DAB1: variants seen among roughly 807,000 people sequenced by gnomAD.
DAB1 encodes the protein DAB adaptor protein 1, also known as disabled homolog 1.
A neutral mutation model predicts 64.6 loss-of-function variants in DAB1; 15 were observed. The ratio of observed to expected loss-of-function variants is 0.23; its 90% CI spans 0.16 to 0.36. DAB1 has a LOEUF of 0.36. Ranked by LOEUF, DAB1 falls within the 10% of genes least tolerant of loss-of-function variation. The probability of loss-of-function intolerance (pLI) is 1.00; values close to 1 mark genes in which losing one functional copy is unlikely to be tolerated. For synonymous variants in DAB1, 235 were observed against 251.9 expected (o/e 0.93, Z 0.64); for missense variants, 596 against 706.7 (o/e 0.84, Z 1.78).
chr1:57,032,886 G>T (rs574639009), intron 9 of DAB1, among the ~76,000 whole-genome samples: 1 of 152,112 alleles, frequency 6.6e-6, no homozygotes, highest in East Asian at 1.9e-4. Flanking sequence ...TAGCAACCTC[G>T]CCTGTTTTTT....
chr1:57,568,447 G>C (rs948150458), intron 7 of DAB1, among the ~76,000 whole-genome samples: 3 of 152,184 alleles, frequency 2.0e-5, no homozygotes, highest in African/African-American at 7.2e-5. Flanking sequence ...AAACTAAAGA[G>C]CTTCTGCATA....
intron 5 of DAB1, among the ~76,000 whole-genome samples, chr1:57,934,739 T>C (rs753821614): frequency 2.0e-5 from 3 of 152,218 alleles, no homozygotes; most frequent in Non-Finnish European, 4.4e-5. Flanking sequence ...TCTGAGGCCA[T>C]GCCACGGTAC....
intron 5 of DAB1, among the ~76,000 whole-genome samples, chr1:57,959,519 A>AAC (rs1482017704): frequency 6.6e-6 from 1 of 152,226 alleles, no homozygotes; most frequent in Non-Finnish European, 1.5e-5. Flanking sequence ...TATAGATGAG[A>AAC]ACATTGAGGC....
At chr1:57,370,812 T>G (rs1170493425) in intron 1 of DAB1, among the ~76,000 whole-genome samples, 1 of 152,208 alleles carries the variant, frequency 6.6e-6, no homozygotes, top group East Asian at 1.9e-4. Context: ...GTAAATATTT[T>G]TTATGGTCGT....
intron 4 of DAB1, among the ~76,000 whole-genome samples, chr1:58,234,812 C>T (rs994752421): frequency 5.3e-5 from 8 of 152,280 alleles, no homozygotes; most frequent in East Asian, 1.9e-4. Context: ...AGGCTTGAGC[C>T]GGAGGAAGTG....
intron 7 of DAB1, among the ~76,000 whole-genome samples, chr1:57,493,860 A>G (rs1353962852): frequency 2.6e-5 from 4 of 151,984 alleles, no homozygotes. Context: ...CTTCACCTTA[A>G]AGGAATCTTT....
Position 57,069,383 on chromosome 1 carries a change from C to G in DAB1, c.640G>C (p.Glu214Gln). 6.2e-7 allele frequency: 1 copy of G among 1,613,456 alleles called. No individual in the cohort carries two copies. The highest frequency in any genetic ancestry group is 1.1e-5 in the South Asian group (1 of 91,050). Residue 214 changes from glutamate to glutamine, a missense_variant, in exon 8 of 15, where the codon GAA (glutamate) becomes CAA (glutamine). Around this residue, in one of 3 missense-constraint regions of DAB1, gnomAD observed 176 missense variants for 266.7 expected, o/e 0.66. Transcript: ENST00000371236. ...EAGHEPIRDP[E>Q]TEENIYQVPT... ...ACCTGATAAATGTTTTCTTCCGTTT[C>G]GGGATCACGGATTGGCTCGTGTCCA...
At chr1:57,343,769 G>A (rs947996399) in intron 1 of DAB1, among the ~76,000 whole-genome samples, 9 of 152,070 alleles carry the variant, frequency 5.9e-5, no homozygotes, top group African/African-American at 1.4e-4. Context: ...GTGCAGCCCC[G>A]GTTCCCACCG....
At chr1:57,830,738 C>T (rs1273632674) in intron 1 of DAB1, among the ~76,000 whole-genome samples, 1 of 152,098 alleles carries the variant, frequency 6.6e-6, no homozygotes, top group African/African-American at 2.4e-5. Flanking sequence ...GACCGATTTA[C>T]TATACCTAGA....
intron 1 of DAB1, among the ~76,000 whole-genome samples, chr1:57,363,496 C>A (rs1679720283): frequency 6.6e-6 from 1 of 152,150 alleles, no homozygotes; most frequent in African/African-American, 2.4e-5. Context: ...TGCCTCAATT[C>A]CCTACACTCA....
At chr1:57,811,563 T>A (rs986197637) in intron 6 of DAB1, among the ~76,000 whole-genome samples, 2 of 152,226 alleles carry the variant, frequency 1.3e-5, no homozygotes, top group Non-Finnish European at 2.9e-5. Context: ...GTCTTCTTTA[T>A]AAATTACTCA....
chr1:58,222,142 G>A (rs1047651609), intron 4 of DAB1, among the ~76,000 whole-genome samples: 1 of 152,212 alleles, frequency 6.6e-6, no homozygotes, highest in Non-Finnish European at 1.5e-5. Context: ...TTCTAAAACT[G>A]TGGAACTTAA....
chr1:58,408,179 C>T (rs1157311830), intron 3 of DAB1, among the ~76,000 whole-genome samples: 1 of 152,206 alleles, frequency 6.6e-6, no homozygotes, highest in Non-Finnish European at 1.5e-5. Context: ...GATTCTGATG[C>T]ATGCTTGAGA....
chr1:58,118,505 C>CAT (rs1190755426), intron 5 of DAB1, among the ~76,000 whole-genome samples: 62 of 43,990 alleles, frequency 1.4e-3, no homozygotes, highest in African/African-American at 5.1e-3. Context: ...TATATATATA[C>CAT]ACACACACAC....
chr1:57,084,758 A>G (rs551261228), intron 4 of DAB1, among the ~76,000 whole-genome samples: 52 of 152,326 alleles, frequency 3.4e-4, no homozygotes, highest in African/African-American at 1.2e-3. Flanking sequence ...AGAACTTGCT[A>G]CTTAAATCAG....
chr1:57,424,968 T>C (rs1235495638), upstream of DAB1, among the ~76,000 whole-genome samples: 1 of 152,132 alleles, frequency 6.6e-6, no homozygotes, highest in Non-Finnish European at 1.5e-5. Flanking sequence ...CTCCAGCGAG[T>C]ACACAGTCAG....
At chr1:58,342,177 A>G (rs1340853608) in intron 4 of DAB1, among the ~76,000 whole-genome samples, 1 of 152,202 alleles carries the variant, frequency 6.6e-6, no homozygotes, top group African/African-American at 2.4e-5. Context: ...TGGAATGTCT[A>G]GATACATGAA....
chr1:57,731,562 T>C (rs1647419211), intron 6 of DAB1, among the ~76,000 whole-genome samples: 1 of 152,174 alleles, frequency 6.6e-6, no homozygotes, highest in Non-Finnish European at 1.5e-5. Flanking sequence ...CCCAACACTT[T>C]GGGAGGCCGA....
intron 1 of DAB1, among the ~76,000 whole-genome samples, chr1:58,533,055 C>T (rs762557065): frequency 2.6e-5 from 4 of 152,080 alleles, no homozygotes; most frequent in Non-Finnish European, 4.4e-5. Context: ...TGTACCTTTG[C>T]GTTTACAATT....
Sources: gnomAD v4.1 joint callset for allele counts (sites outside exome capture counted in the v4.1 genomes callset) on GRCh38, gnomAD v4.1.1 for gene constraint, gnomAD v4.1.1 regional missense constraint, MANE v1.5 for transcripts, NCBI Gene and HGNC (gene_info 2026-07-23, HGNC 2026-07-21) for gene names.